The following SOS1 variants were observed in gnomAD, a reference collection of about 807,000 sequenced individuals.
SOS1 encodes the protein son of sevenless homolog 1.
A neutral mutation model predicts 157.6 loss-of-function variants in SOS1; 25 were observed. That is an observed-to-expected ratio of 0.16 (90% CI 0.12 to 0.22). SOS1 has a LOEUF of 0.22. Among genes scored for constraint, SOS1 ranks in the 10% least tolerant of loss-of-function variants. SOS1 has a pLI of 1.00. For synonymous variants in SOS1, 528 were observed against 534.0 expected (o/e 0.99, Z 0.16); for missense variants, 1,237 against 1,599.1 (o/e 0.77, Z 3.86).
intron 10 of SOS1, among the ~76,000 whole-genome samples, chr2:39,017,308 T>C (rs1461138125): frequency 6.6e-6 from 1 of 152,112 alleles, no homozygotes; most frequent in Non-Finnish European, 1.5e-5. Context: ...CCTTGAGTTA[T>C]ATAACCACTA....
At position 38,995,311 on chromosome 2, in the gene SOS1, G is replaced by C; in HGVS notation, c.3158C>G (p.Pro1053Arg). 1 of 1,613,692 alleles carries C rather than the reference G, an allele frequency of 6.2e-7. No individual in the cohort carries two copies. Among genetic ancestry groups the C allele is most frequent in the East Asian group, 2.2e-5 (1 of 44,872 alleles). Residue 1053 changes from proline to arginine, a missense_variant, in exon 20 of 23, where the codon CCC (proline) becomes CGC (arginine). Coordinates refer to ENST00000402219, the MANE Select transcript of SOS1 (RefSeq NM_005633.4). ...SNPRPGTMRHPTPLQQEPRKI... is the reference protein window; with the variant it reads ...SNPRPGTMRHRTPLQQEPRKI... The stretch of plus-strand genomic sequence containing the variant: ...CCTTGGCTCCTGCTGCAGAGGTGTG[G>C]GATGCCTCATGGTACCTGGTCTTGG...
chr2:39,057,396 T>C (rs752942116), intron 3 of SOS1, among the ~76,000 whole-genome samples: 2 of 152,148 alleles, frequency 1.3e-5, no homozygotes, highest in Non-Finnish European at 2.9e-5. Context: ...TACTGAATAA[T>C]GGTTGCTGTT....
chr2:39,048,503 C>G (rs1031495271), intron 6 of SOS1, among the ~76,000 whole-genome samples: 1 of 152,020 alleles, frequency 6.6e-6, no homozygotes, highest in African/African-American at 2.4e-5. Flanking sequence ...CAGGTTCAAG[C>G]AATTCTCGTG....
intron 1 of SOS1, among the ~76,000 whole-genome samples, chr2:39,109,455 C>T (rs1479252423): frequency 2.6e-5 from 4 of 152,132 alleles, no homozygotes; most frequent in Non-Finnish European, 5.9e-5. Context: ...GGGCTGAGCT[C>T]CTCAGCTTAA....
At chr2:39,106,539 C>T (rs1323318857) in intron 1 of SOS1, among the ~76,000 whole-genome samples, 2 of 143,802 alleles carry the variant, frequency 1.4e-5, no homozygotes, top group African/African-American at 2.7e-5. Flanking sequence ...TGCAGTGAGC[C>T]GAGATCCCGC....
chr2:39,054,232 G>C (rs1355949821), intron 5 of SOS1, among the ~76,000 whole-genome samples: 3 of 152,180 alleles, frequency 2.0e-5, no homozygotes, highest in Admixed American at 6.5e-5. Context: ...CAGCAGAACT[G>C]TTTCTTATTC....
intron 17 of SOS1, among the ~76,000 whole-genome samples, chr2:39,002,402 T>TA: frequency 6.6e-6 from 1 of 152,272 alleles, no homozygotes; most frequent in East Asian, 1.9e-4. Flanking sequence ...TTTCAGTTTG[T>TA]ATAAATAAAT....
At chr2:39,050,744 A>C (rs1226103644) in intron 6 of SOS1, among the ~76,000 whole-genome samples, 1 of 152,218 alleles carries the variant, frequency 6.6e-6, no homozygotes, top group Non-Finnish European at 1.5e-5. Flanking sequence ...CGGAGGTTTA[A>C]AGAAATGAAA....
chr2:39,010,957 A>G (rs1366341110), intron 14 of SOS1, among the ~76,000 whole-genome samples: 3 of 140,676 alleles, frequency 2.1e-5, no homozygotes, highest in Non-Finnish European at 4.5e-5. Flanking sequence ...GTACAATGGC[A>G]TGATCTTGGC....
intron 2 of SOS1, among the ~76,000 whole-genome samples, chr2:39,064,182 A>G (rs1338195235): frequency 6.6e-6 from 1 of 152,212 alleles, no homozygotes; most frequent in Non-Finnish European, 1.5e-5. Flanking sequence ...GTACATGTAT[A>G]TCATGTACAA....
intron 6 of SOS1, among the ~76,000 whole-genome samples, chr2:39,039,202 T>C (rs1670468824): frequency 6.6e-6 from 1 of 152,246 alleles, no homozygotes; most frequent in African/African-American, 2.4e-5. Flanking sequence ...AACTTTTATA[T>C]GCACTGTAAG....
chr2:39,004,100 T>C (rs1048366288), intron 17 of SOS1, among the ~76,000 whole-genome samples: 1 of 151,918 alleles, frequency 6.6e-6, no homozygotes, highest in Non-Finnish European at 1.5e-5. Context: ...AGGAAGTCAG[T>C]GAGATACAAT....
chr2:39,052,691 C>T (rs1310021300), intron 5 of SOS1, among the ~76,000 whole-genome samples: 1 of 152,144 alleles, frequency 6.6e-6, no homozygotes, highest in Non-Finnish European at 1.5e-5. Context: ...ATACATTCAC[C>T]TGCTGATGGA....
intron 6 of SOS1, among the ~76,000 whole-genome samples, chr2:39,050,126 T>C (rs899310039): frequency 2.0e-5 from 3 of 152,192 alleles, no homozygotes; most frequent in African/African-American, 7.2e-5. Context: ...TGCTTGAACT[T>C]ACCATTCTAT....
chr2:39,008,169 T>G (rs1020118575), intron 15 of SOS1, among the ~76,000 whole-genome samples: 1 of 152,110 alleles, frequency 6.6e-6, no homozygotes, highest in Non-Finnish European at 1.5e-5. Flanking sequence ...TTGCCCAACT[T>G]CCACTTATGG....
At chr2:39,015,553 C>G (rs1669600970) in intron 10 of SOS1, among the ~76,000 whole-genome samples, 1 of 152,032 alleles carries the variant, frequency 6.6e-6, no homozygotes, top group African/African-American at 2.4e-5. Context: ...AAAGGACCTA[C>G]TTTTCATTCA....
At chr2:39,059,100 G>A (rs1181751824) in intron 2 of SOS1, among the ~76,000 whole-genome samples, 1 of 152,028 alleles carries the variant, frequency 6.6e-6, no homozygotes, top group Non-Finnish European at 1.5e-5. Context: ...ACTTTAAATA[G>A]TACTTGTATA....
chr2:39,009,251 G>C (rs1457987904), intron 15 of SOS1, among the ~76,000 whole-genome samples: 1 of 151,346 alleles, frequency 6.6e-6, no homozygotes, highest in African/African-American at 2.4e-5. Flanking sequence ...TAGTATATTT[G>C]AACTGAAAAA....
intron 1 of SOS1, among the ~76,000 whole-genome samples, chr2:39,068,942 G>C (rs1486022052): frequency 2.0e-5 from 3 of 152,018 alleles, no homozygotes; most frequent in African/African-American, 7.2e-5. Context: ...GCACTTACTG[G>C]ATGAAAGTGC....
Sources: gnomAD v4.1 joint callset for allele counts (sites outside exome capture counted in the v4.1 genomes callset) on GRCh38, gnomAD v4.1.1 for gene constraint, MANE v1.5 for transcripts, NCBI Gene and HGNC (gene_info 2026-07-23, HGNC 2026-07-21) for gene names.